Variants in ALDH1A3 observed in about 807,000 individuals in gnomAD.
The protein encoded by ALDH1A3 is retinaldehyde dehydrogenase 3.
In ALDH1A3, 28 loss-of-function variants were observed where a neutral mutation model predicts 57.5. That is an observed-to-expected ratio of 0.49 (90% CI 0.36 to 0.67). The LOEUF (loss-of-function observed/expected upper bound fraction) is 0.67. Ranked by LOEUF, ALDH1A3 falls within the 30% of genes least tolerant of loss-of-function variation. The pLI is 0.00. For missense variants in ALDH1A3, 507 were observed against 669.4 expected (o/e 0.76, Z 2.68); for synonymous variants, 281 against 264.8 (o/e 1.06, Z -0.59).
At chr15:100,908,342 G>T (rs1738363194) in intron 11 of ALDH1A3, 66 bp from the exon 12 acceptor site, 1 of 1,369,692 alleles carries the variant, frequency 7.3e-7, no homozygotes, top group African/African-American at 1.4e-5. Context: ...GGGCTAAGTG[G>T]CTGCAGTGCC....
chr15:100,896,784 G>T (rs1265308683), intron 7 of ALDH1A3, among the ~76,000 whole-genome samples: 1 of 152,240 alleles, frequency 6.6e-6, no homozygotes, highest in Non-Finnish European at 1.5e-5. Context: ...TCTCTGGAAT[G>T]TTTTACAGCC....
rs2041609886 is a variant in ALDH1A3, at chr15:100,887,664, G to A, written c.297G>A (p.Leu99=). The A allele has an allele frequency of 6.2e-7, 1 of 1,610,760 alleles. No homozygotes were observed. Among genetic ancestry groups the A allele is most frequent in the Non-Finnish European group, 8.5e-7 (1 of 1,178,510 alleles). ...RRLDALSRGR[L]LHQLADLVER... ...TGGATGCCCTGAGTCGTGGGCGGCTGCTGCACCAGCTGGCTGACCTGGTGG... is the reference window on the plus strand; with the variant it reads ...TGGATGCCCTGAGTCGTGGGCGGCTACTGCACCAGCTGGCTGACCTGGTGG... The change falls in exon 3 of 13, where the codon CTG becomes CTA. Residue 99 remains leucine (L), a synonymous_variant. Transcript: ENST00000329841. The surrounding 1 kb of genome is among the most constrained non-coding windows in gnomAD (Gnocchi z 4.6).
chr15:100,893,053 C>A lies in ALDH1A3; in HGVS notation c.537+47C>A. 1 of 1,532,990 alleles carries A rather than the reference C, an allele frequency of 6.5e-7. No homozygotes were observed. The highest frequency in any genetic ancestry group is 9.0e-7 in the Non-Finnish European group (1 of 1,113,580). 95.0% of individuals were successfully genotyped at this position (1,532,990 alleles called of 1,614,324 possible). A position where few individuals can be genotyped will look rare whatever the true frequency, so the allele number is the denominator to read the frequency against. On this transcript the variant is annotated intron_variant, in intron 5 of 12. Transcript: ENST00000329841. The surrounding 1 kb of genome is among the most constrained non-coding windows in gnomAD (Gnocchi z 4.8). ...AGTAGATTCTATGTAGATCCTGCCCCACTGCCCTGTGTCCTTTGGAATCAA... is the reference window on the plus strand; with the variant it reads ...AGTAGATTCTATGTAGATCCTGCCCAACTGCCCTGTGTCCTTTGGAATCAA...
chr15:100,914,651 T>C, intron 12 of ALDH1A3, 50 bp from the exon 13 acceptor site: 1 of 1,563,734 alleles, frequency 6.4e-7, no homozygotes, highest in South Asian at 1.1e-5. Context: ...TTCTACACAA[T>C]GGCTAAGGGA....
chr15:100,897,166 C>A (rs528251746), intron 7 of ALDH1A3, among the ~76,000 whole-genome samples: 1 of 152,358 alleles, frequency 6.6e-6, no homozygotes, highest in South Asian at 2.1e-4. Flanking sequence ...CAGACACTGC[C>A]CTGTGGATGG....
chr15:100,892,776 T>G, intron 4 of ALDH1A3, 137 bp downstream of exon 4: 1 of 1,379,430 alleles, frequency 7.2e-7, no homozygotes, highest in South Asian at 1.4e-5. Flanking sequence ...CTGCCAATTC[T>G]TCTTCTAAGA....
Position 100,900,580 on chromosome 15 carries a change from T to C in ALDH1A3, c.889T>C (p.Leu297=), listed in dbSNP as rs2041756943. The C allele has an allele frequency of 3.2e-6, 5 of 1,585,862 alleles. No individual in the cohort carries two copies. Among genetic ancestry groups the C allele is most frequent in the Non-Finnish European group, 3.4e-6 (4 of 1,164,984 alleles). Residue 297 remains leucine, a synonymous_variant, in exon 9 of 13, where the codon TTG becomes CTG. Coordinates refer to ENST00000329841, the MANE Select transcript of ALDH1A3 (RefSeq NM_000693.4). ...CIVCADADLD[L]AVECAHQGVF... ...CCTCGCCCCTCCCCCTCCAGTGGACTTGGCAGTGGAGTGTGCCCATCAGGG... is the reference window on the plus strand; with the variant it reads ...CCTCGCCCCTCCCCCTCCAGTGGACCTGGCAGTGGAGTGTGCCCATCAGGG...
intron 9 of ALDH1A3, among the ~76,000 whole-genome samples, chr15:100,902,162 A>G (rs1453483971): frequency 2.6e-5 from 4 of 151,932 alleles, no homozygotes; most frequent in African/African-American, 9.7e-5. Context: ...CGTTATTTGT[A>G]AGTCTCTTTC....
At chr15:100,885,477 G>T in intron 2 of ALDH1A3, 106 bp downstream of exon 2, 2 of 799,010 alleles carry the variant, frequency 2.5e-6, no homozygotes, top group Non-Finnish European at 4.1e-6. Context: ...TATCCTGGGG[G>T]CAGGGCCTGG....
chr15:100,896,900 G>A (rs1030041241), intron 7 of ALDH1A3, among the ~76,000 whole-genome samples: 1 of 152,202 alleles, frequency 6.6e-6, no homozygotes. Context: ...TGTGCTTGTA[G>A]AAGTAGAAAT....
chr15:100,897,082 C>A (rs987499322), intron 7 of ALDH1A3, among the ~76,000 whole-genome samples: 2 of 152,196 alleles, frequency 1.3e-5, no homozygotes, highest in Admixed American at 1.3e-4. Flanking sequence ...AAAAAACACC[C>A]GCTGCAATCA....
chr15:100,893,749 GGCT>G lies in ALDH1A3; in HGVS notation c.538-202_538-200del. On this transcript the variant is annotated intron_variant, in intron 5 of 12. Transcript: ENST00000329841. The surrounding 1 kb of genome is among the most constrained non-coding windows in gnomAD (Gnocchi z 4.8). ...CATGCAACAGCATCCTCTTTGCAAA[GGCT>G]GCCTATTAGTACCACCCAGAATGCA... 1 of 556,688 alleles carries G rather than the reference GGCT, an allele frequency of 1.8e-6. No homozygotes were observed. The highest frequency in any genetic ancestry group is 3.0e-6 in the Non-Finnish European group (1 of 330,500). The allele number at this position is 556,688 out of a possible 1,614,324, so 34.5% of individuals were successfully genotyped here. A position where few individuals can be genotyped will look rare whatever the true frequency, so the allele number is the denominator to read the frequency against.
intron 12 of ALDH1A3, among the ~76,000 whole-genome samples, chr15:100,910,283 C>T (rs2041870156): frequency 6.6e-6 from 1 of 152,230 alleles, no homozygotes; most frequent in South Asian, 2.1e-4. Flanking sequence ...GGCCATGAAA[C>T]CCCTTTGCAG....
chr15:100,905,814 CGTT>C (rs150136075), intron 10 of ALDH1A3, 127 bp downstream of exon 10: 50,415 of 1,050,376 alleles, frequency 0.048, 1,574 homozygotes, highest in Non-Finnish European at 0.054. Context: ...CTGTTGTTGT[CGTT>C]GTTGTTTTTT....
rs150542846 is a variant in ALDH1A3 at position 100,892,956 on chromosome 15, G to A, written c.487G>A (p.Val163Met). ...TAACCCTCTTCCAGATGACAACGTC[G>A]TGTGCTTCACCAGGCATGAGCCCAT... ...GKTIPTDDNVVCFTRHEPIGV... is the reference protein window; with the variant it reads ...GKTIPTDDNVMCFTRHEPIGV... Residue 163 changes from valine to methionine, a missense_variant, in exon 5 of 13, where the codon GTG becomes ATG. This residue lies in a region of ALDH1A3 where 432 missense variants were observed against 608.4 expected (regional missense o/e 0.71). Coordinates refer to ENST00000329841, the MANE Select transcript of ALDH1A3 (RefSeq NM_000693.4). 389 of 1,614,068 alleles carry A rather than the reference G, an allele frequency of 2.4e-4. 1 individual carries two copies. The highest frequency in any genetic ancestry group is 3.7e-4 in the Admixed American group (22 of 60,018).
Position 100,900,563 on chromosome 15 carries a change from C to A in ALDH1A3, c.884-12C>A. 1 of 1,570,872 alleles carries A rather than the reference C, an allele frequency of 6.4e-7. No individual in the cohort carries two copies. ...CTCGCTCTGCCCGCCTCCCTCGCCCCTCCCCCTCCAGTGGACTTGGCAGTG... is the reference window on the plus strand; with the variant it reads ...CTCGCTCTGCCCGCCTCCCTCGCCCATCCCCCTCCAGTGGACTTGGCAGTG... On this transcript the variant is annotated splice_polypyrimidine_tract_variant and intron_variant, in intron 8 of 12. Transcript: ENST00000329841.
rs1454161283 is a variant in ALDH1A3, at chr15:100,912,880, C to A, written c.1467-1821C>A. The stretch of plus-strand genomic sequence containing the variant: ...GACTTGTTAAAATACAGATGTCGGC[C>A]GGGCGCGGTGGCTCACGCCTGTAAT... On this transcript the variant is annotated intron_variant, in intron 12 of 12. Transcript: ENST00000329841. Among the ~76,000 whole-genome samples, 24 of 29,404 alleles carry A rather than the reference C, an allele frequency of 8.2e-4. 7 individuals are homozygous for A. The highest frequency in any genetic ancestry group is 1.5e-3 in the Non-Finnish European group (20 of 13,126). The allele number at this position is 29,404 out of a possible 152,430, so 19.3% of individuals were successfully genotyped here. A position where few individuals can be genotyped will look rare whatever the true frequency, so the allele number is the denominator to read the frequency against.
intron 12 of ALDH1A3, 141 bp from the exon 13 acceptor site, chr15:100,914,560 A>G (rs2041911993): frequency 4.4e-6 from 3 of 678,824 alleles, no homozygotes; most frequent in Admixed American, 2.8e-5. Flanking sequence ...AGTCCTGGCT[A>G]TTATTCCATG....
rs2041658697 is a variant in ALDH1A3 at position 100,892,338 on chromosome 15, A to G, written c.346-172A>G. 10 of 816,792 alleles carry G rather than the reference A, an allele frequency of 1.2e-5. 1 individual carries two copies. In the Admixed American group the frequency reaches 3.0e-4, roughly 25 times the overall value. The allele number at this position is 816,792 out of a possible 1,614,324, so 50.6% of individuals were successfully genotyped here. On this transcript the variant is annotated intron_variant, in intron 3 of 12. Coordinates refer to ENST00000329841, the MANE Select transcript of ALDH1A3 (RefSeq NM_000693.4). ...AAAAGCAATCCTCACACTCAGAGAC[A>G]GGCCTCGCTTTACATTTGGTGTCAT... is the stretch of plus-strand genomic sequence containing the variant.
Sources: allele counts gnomAD v4.1 joint callset (sites outside exome capture counted in the v4.1 genomes callset), GRCh38; gene constraint gnomAD v4.1.1; regional missense constraint gnomAD v4.1.1; non-coding constraint Gnocchi (gnomAD v3.1); transcripts MANE v1.5; gene names NCBI Gene and HGNC (gene_info 2026-07-23, HGNC 2026-07-21).